Variants in PLD1 observed in about 807,000 individuals in gnomAD.
PLD1 encodes choline phosphatase 1.
Under a neutral mutation model 137.1 loss-of-function variants are expected in PLD1, and 112 were observed. That is an observed-to-expected ratio of 0.82 (90% CI 0.70 to 0.96). The LOEUF is 0.96. Ranked by LOEUF, PLD1 falls within the 40% of genes least tolerant of loss-of-function variation. PLD1 has a pLI of 0.00. For synonymous variants in PLD1, 431 were observed against 454.7 expected (o/e 0.95, Z 0.66); for missense variants, 1,321 against 1,342.0 (o/e 0.98, Z 0.24).
chr3:171,724,845 C>A, intron 7 of PLD1, 57 bp from the exon 8 acceptor site: 1 of 990,162 alleles, frequency 1.0e-6, no homozygotes, highest in South Asian at 1.3e-5. Flanking sequence ...CCACTTAGCT[C>A]GTACAGCCTC....
At chr3:171,760,969 C>T (rs1016329297) in intron 1 of PLD1, among the ~76,000 whole-genome samples, 1 of 152,134 alleles carries the variant, frequency 6.6e-6, no homozygotes, top group African/African-American at 2.4e-5. Flanking sequence ...ACTTTTTGAT[C>T]GGGTAATCAC....
Position 171,624,847 on chromosome 3 carries a change from T to A in PLD1, c.2594-4327A>T, listed in dbSNP as rs188239284. On this transcript the variant is annotated intron_variant, in intron 23 of 26. Transcript: ENST00000351298. ...GGAGAAATAAGAAAATATACAACTA[T>A]CTGAGCATTTTTCCAAGAAGAAACA... 1.6e-3 allele frequency among the ~76,000 whole-genome samples: 237 copies of A among 152,180 alleles called. 1 individual carries two copies. Among genetic ancestry groups the A allele is most frequent in the African/African-American group, 5.5e-3 (228 of 41,512 alleles).
chr3:171,738,018 A>G lies in PLD1; in HGVS notation c.34T>C (p.Ser12Pro), dbSNP rs991019705. The G allele has an allele frequency of 1.2e-6, 2 of 1,613,848 alleles. No individual in the cohort carries two copies. The highest frequency in any genetic ancestry group is 1.7e-6 in the Non-Finnish European group (2 of 1,179,894). The change falls in exon 2 of 27, where the codon TCT becomes CCT. Residue 12 changes from serine (S) to proline (P), a missense_variant. Physicochemically the swap from Ser to Pro is moderately conservative, Grantham distance 74. Transcript: ENST00000351298. ...TCAGCAGCAATTTTCTGCAGTGCAG[A>G]GGTATTTACCCGTGGCTCGTTTTTC... Reference protein sequence around the residue: ...SLKNEPRVNTSALQKIAADMS... With the variant: ...SLKNEPRVNTPALQKIAADMS...
intron 25 of PLD1, chr3:171,611,406 T>C (rs1388727540): frequency 5.9e-6 from 2 of 340,918 alleles, no homozygotes; most frequent in Non-Finnish European, 1.2e-5. Flanking sequence ...TAGAAGGTTC[T>C]AGAGGGACCA....
chr3:171,803,590 T>C (rs1578488638), intron 1 of PLD1, among the ~76,000 whole-genome samples: 1 of 152,062 alleles, frequency 6.6e-6, no homozygotes, highest in Admixed American at 6.5e-5. Flanking sequence ...AAAATAAGCC[T>C]GGCATGGTGG....
At chr3:171,780,760 C>G (rs1304544636) in intron 1 of PLD1, among the ~76,000 whole-genome samples, 1 of 152,058 alleles carries the variant, frequency 6.6e-6, no homozygotes, top group African/African-American at 2.4e-5. Flanking sequence ...TATGCAAAAG[C>G]CTAAAAAGTG....
intron 23 of PLD1, 88 bp from the exon 24 acceptor site, chr3:171,620,608 C>T (rs1578118970): frequency 4.3e-6 from 3 of 703,012 alleles, no homozygotes; most frequent in East Asian, 2.7e-5. Flanking sequence ...AAACATACTA[C>T]TTAGACTGTT....
At chr3:171,690,068 G>A (rs760862798) in intron 13 of PLD1, among the ~76,000 whole-genome samples, 1 of 152,108 alleles carries the variant, frequency 6.6e-6, no homozygotes, top group Non-Finnish European at 1.5e-5. Flanking sequence ...CCAGTTAAAG[G>A]TCTATTTAGG....
At chr3:171,650,146 C>G (rs1175620182) in intron 21 of PLD1, among the ~76,000 whole-genome samples, 1 of 152,134 alleles carries the variant, frequency 6.6e-6, no homozygotes, top group African/African-American at 2.4e-5. Context: ...ATTTGGGGAA[C>G]TGGAGAGATT....
chr3:171,692,282 A>C (rs370512960), intron 13 of PLD1, 50 bp downstream of exon 13: 14 of 889,838 alleles, frequency 1.6e-5, no homozygotes, highest in Middle Eastern at 2.2e-4. Context: ...ACCTGAAAAA[A>C]TCCTATAGAA....
intron 1 of PLD1, among the ~76,000 whole-genome samples, chr3:171,770,423 A>C (rs187553657): frequency 2.1e-4 from 32 of 152,240 alleles, no homozygotes; most frequent in African/African-American, 7.2e-4. Flanking sequence ...GGCCTGAAGA[A>C]AAACCGTGCA....
chr3:171,645,655 C>T (rs1736139804), intron 21 of PLD1, among the ~76,000 whole-genome samples: 1 of 151,834 alleles, frequency 6.6e-6, no homozygotes, highest in Non-Finnish European at 1.5e-5. Flanking sequence ...GAGTCCGTGG[C>T]AGGTGGACCA....
intron 1 of PLD1, chr3:171,764,998 GAAAGAAAGAGAAAA>G (rs1721874109): frequency 1.5e-5 from 2 of 133,354 alleles, no homozygotes; most frequent in East Asian, 2.3e-4. Flanking sequence ...AAGAAAGAAA[GAAAGAAAGAGAAAA>G]AGAAAAAGAA....
At chr3:171,616,387 T>C (rs1039668841) in intron 24 of PLD1, among the ~76,000 whole-genome samples, 1 of 152,212 alleles carries the variant, frequency 6.6e-6, no homozygotes, top group Non-Finnish European at 1.5e-5. Flanking sequence ...GTATGCAGAA[T>C]AGCAGCTCTC....
At chr3:171,793,074 C>G (rs1723282896) in intron 1 of PLD1, 1 of 191,410 alleles carries the variant, frequency 5.2e-6, no homozygotes, top group South Asian at 9.2e-5. Flanking sequence ...GACTAGACAT[C>G]ATTTGAACCC....
chr3:171,766,121 T>C (rs1354915882), intron 1 of PLD1, among the ~76,000 whole-genome samples: 1 of 152,176 alleles, frequency 6.6e-6, no homozygotes, highest in African/African-American at 2.4e-5. Flanking sequence ...TCAATTTTAA[T>C]TTTTATTATA....
chr3:171,734,770 G>A (rs2108260707), intron 5 of PLD1, 95 bp downstream of exon 5: 1 of 729,894 alleles, frequency 1.4e-6, no homozygotes, highest in Non-Finnish European at 2.4e-6. Flanking sequence ...GATGAGAGGA[G>A]TTGTAGCCAG....
intron 1 of PLD1, among the ~76,000 whole-genome samples, chr3:171,745,263 G>A (rs1720059772): frequency 6.6e-6 from 1 of 152,204 alleles, no homozygotes; most frequent in Admixed American, 6.5e-5. Flanking sequence ...CATTTCCTGA[G>A]TGCCTGTACT....
chr3:171,613,745 G>C (rs1732871155), intron 24 of PLD1, among the ~76,000 whole-genome samples: 1 of 151,984 alleles, frequency 6.6e-6, no homozygotes, highest in Admixed American at 6.5e-5. Flanking sequence ...TACATGTGAA[G>C]GGCAAATATT....
Sources: gnomAD v4.1 joint callset for allele counts (sites outside exome capture counted in the v4.1 genomes callset) on GRCh38, gnomAD v4.1.1 for gene constraint, MANE v1.5 for transcripts, NCBI Gene and HGNC (gene_info 2026-07-23, HGNC 2026-07-21) for gene names.